Variants in SPTAN1 observed in about 807,000 individuals in gnomAD.
The protein encoded by SPTAN1 is spectrin alpha, non-erythrocytic 1.
A neutral mutation model predicts 331.3 loss-of-function variants in SPTAN1; 61 were observed. The ratio of observed to expected loss-of-function variants is 0.18; its 90% CI spans 0.15 to 0.23. SPTAN1 has a LOEUF of 0.23. SPTAN1 is among the 10% of genes least tolerant of loss of function. The probability of loss-of-function intolerance (pLI) is 1.00; values close to 1 mark genes in which losing one functional copy is unlikely to be tolerated. For synonymous variants in SPTAN1, 1,153 were observed against 1,173.9 expected (o/e 0.98, Z 0.36); for missense variants, 2,043 against 3,147.9 (o/e 0.65, Z 8.40).
Position 128,584,466 on chromosome 9 carries a change from T to C in SPTAN1, c.2378T>C (p.Val793Ala). 6.2e-7 allele frequency: 1 copy of C among 1,614,072 alleles called. No individual in the cohort carries two copies. Among genetic ancestry groups the C allele is most frequent in the African/African-American group, 1.3e-5 (1 of 75,010 alleles). The change falls in exon 17 of 57, where the codon GTT (valine) becomes GCT (alanine). Residue 793 changes from valine to alanine, a missense_variant. Val to Ala is a moderately conservative substitution (Grantham distance 64, BLOSUM62 0). Transcript: ENST00000372739. ...SLRLQQLFRD[V>A]EDEETWIREK... ...CGGTTGCAGCAGCTCTTCCGGGATG[T>C]TGAGGATGAGGAGACGTGGATTCGA...
chr9:128,623,889 CA>C (rs1177903450), intron 45 of SPTAN1, among the ~76,000 whole-genome samples: 2 of 151,474 alleles, frequency 1.3e-5, no homozygotes, highest in Non-Finnish European at 2.9e-5. Context: ...AGTTCGAGAC[CA>C]GCCTGACCAA....
chr9:128,585,173 C>G (rs185736929), intron 18 of SPTAN1, among the ~76,000 whole-genome samples: 12 of 152,108 alleles, frequency 7.9e-5, no homozygotes, highest in Non-Finnish European at 1.6e-4. Flanking sequence ...CACCACCATA[C>G]CCAGCTAATT....
At chr9:128,581,189 A>G (rs1024165458) in intron 11 of SPTAN1, 130 bp downstream of exon 11, 8 of 1,286,114 alleles carry the variant, frequency 6.2e-6, no homozygotes, top group Non-Finnish European at 8.6e-6. Flanking sequence ...AAGAGGGGGA[A>G]TTGAGCAAGC....
rs577481625 is a variant in SPTAN1, at chr9:128,598,052, G to A, written c.3415-348G>A. 6.7e-4 allele frequency among the ~76,000 whole-genome samples: 102 copies of A among 152,254 alleles called. 1 individual carries two copies. The highest frequency in any genetic ancestry group is 7.4e-4 in the Non-Finnish European group (50 of 68,012). On this transcript the variant is annotated intron_variant, in intron 24 of 56. Coordinates refer to ENST00000372739, the MANE Select transcript of SPTAN1 (RefSeq NM_001130438.3). ...CAACCTCTGCCTACCGGGTTCAAGCGATTCTCCTGCCTCAGCCTCCCGAGT... is the reference window on the plus strand; with the variant it reads ...CAACCTCTGCCTACCGGGTTCAAGCAATTCTCCTGCCTCAGCCTCCCGAGT...
chr9:128,607,841 C>T lies in SPTAN1; in HGVS notation c.4147-11C>T. On this transcript the variant is annotated splice_polypyrimidine_tract_variant and intron_variant, in intron 32 of 56. Coordinates refer to ENST00000372739, the MANE Select transcript of SPTAN1 (RefSeq NM_001130438.3). ...CTGCCAGTTACCTAATCCCTTCCCT[C>T]CTTTTGGCAGGAACACCGGACAGAA... 1 of 1,613,874 alleles carries T rather than the reference C, an allele frequency of 6.2e-7. No individual in the cohort carries two copies. The highest frequency in any genetic ancestry group is 8.5e-7 in the Non-Finnish European group (1 of 1,180,042).
chr9:128,553,264 C>G (rs1848326358), intron 1 of SPTAN1: 1 of 152,296 alleles, frequency 6.6e-6, no homozygotes. Flanking sequence ...TCTGCCGTCT[C>G]TCTGAACGCA....
chr9:128,592,243 A>G (rs1321386607), intron 22 of SPTAN1, among the ~76,000 whole-genome samples: 2 of 151,054 alleles, frequency 1.3e-5, no homozygotes, highest in South Asian at 2.1e-4. Flanking sequence ...TTCTGTTACT[A>G]TAGAGATAAG....
At chr9:128,565,703 C>A (rs10819410) in intron 1 of SPTAN1, among the ~76,000 whole-genome samples, 24,239 of 152,204 alleles carry the variant, frequency 0.16, 2,437 homozygotes, top group East Asian at 0.43. Context: ...CCTTTTCTTT[C>A]TGTCTTGGGA....
intron 51 of SPTAN1, chr9:128,628,247 C>T (rs765496388): frequency 3.0e-5 from 16 of 531,974 alleles, no homozygotes; most frequent in Non-Finnish European, 5.3e-5. Flanking sequence ...AGTCCAGAGG[C>T]CCTAAGAACC....
intron 25 of SPTAN1, chr9:128,598,708 TG>T: frequency 1.6e-6 from 1 of 643,630 alleles, no homozygotes; most frequent in Non-Finnish European, 2.8e-6. Context: ...TGGAGGGGGG[TG>T]GGGGCTTCTG....
Position 128,577,397 on chromosome 9 carries a change from C to T in SPTAN1, c.976C>T (p.Pro326Ser), listed in dbSNP as rs1205629317. 6.2e-7 allele frequency: 1 copy of T among 1,614,060 alleles called. No homozygotes were observed. Among genetic ancestry groups the T allele is most frequent in the East Asian group, 2.2e-5 (1 of 44,890 alleles). The change falls in exon 8 of 57, where the codon CCT (proline) becomes TCT (serine). Residue 326 changes from proline (P) to serine (S), a missense_variant. Coordinates refer to ENST00000372739, the MANE Select transcript of SPTAN1 (RefSeq NM_001130438.3). This position sits in a 1 kb window ranked among gnomAD's most constrained non-coding sequence, Gnocchi z 4.2. ...GGCTGACCGCCTGCAACAGTCCCAC[C>T]CTCTGAGTGCAACACAGATTCAAGT... is the stretch of plus-strand genomic sequence containing the variant. ...AEADRLQQSH[P>S]LSATQIQVKR... is the part of the protein sequence containing the mutation.
chr9:128,626,311 C>T (rs1858727928), intron 48 of SPTAN1, 80 bp from the exon 49 acceptor site: 1 of 1,554,002 alleles, frequency 6.4e-7, no homozygotes, highest in Non-Finnish European at 8.8e-7. Context: ...TCCCAGGAAC[C>T]ACCCCGCACC....
At position 128,625,090 on chromosome 9, in the gene SPTAN1, C is replaced by T. The variant is rs1376477131; in HGVS notation, c.5993-13C>T. ...TGAGGAGGGCAGTATATTTTCCACACTTCGTTTTCTAGGTGAAAAGGAGAA... is the reference window on the plus strand; with the variant it reads ...TGAGGAGGGCAGTATATTTTCCACATTTCGTTTTCTAGGTGAAAAGGAGAA... On this transcript the variant is annotated splice_polypyrimidine_tract_variant and intron_variant, in intron 46 of 56. Transcript: ENST00000372739. The surrounding 1 kb of genome is among the most constrained non-coding windows in gnomAD (Gnocchi z 4.1). 1 of 1,613,818 alleles carries T rather than the reference C, an allele frequency of 6.2e-7. No individual in the cohort carries two copies. Among genetic ancestry groups the T allele is most frequent in the South Asian group, 1.1e-5 (1 of 91,078 alleles).
intron 2 of SPTAN1, among the ~76,000 whole-genome samples, chr9:128,568,418 T>C (rs1489408520): frequency 1.3e-5 from 2 of 152,214 alleles, no homozygotes; most frequent in African/African-American, 4.8e-5. Flanking sequence ...ACTGTTGGTA[T>C]GGTTCTGTAT....
chr9:128,616,306 C>T (rs993641426), intron 41 of SPTAN1, among the ~76,000 whole-genome samples: 1 of 151,492 alleles, frequency 6.6e-6, no homozygotes, highest in African/African-American at 2.4e-5. Flanking sequence ...TTAGTAGAGA[C>T]AGGGTTTCAC....
intron 1 of SPTAN1, among the ~76,000 whole-genome samples, chr9:128,559,373 A>G (rs1252493445): frequency 6.6e-6 from 1 of 152,116 alleles, no homozygotes; most frequent in Non-Finnish European, 1.5e-5. Context: ...CGATATTATG[A>G]TGGAGATTTT....
intron 13 of SPTAN1, 28 bp downstream of exon 13, chr9:128,582,584 C>G: frequency 6.2e-7 from 1 of 1,612,302 alleles, no homozygotes; most frequent in Non-Finnish European, 8.5e-7. Context: ...TCATGCTCCT[C>G]CTTTTTGGTA....
intron 1 of SPTAN1, among the ~76,000 whole-genome samples, chr9:128,565,633 C>T (rs543982760): frequency 1.3e-5 from 2 of 152,182 alleles, no homozygotes; most frequent in South Asian, 4.1e-4. Context: ...TGTTTACCTG[C>T]TAGGTGGATG....
chr9:128,560,569 C>T (rs879366608), intron 1 of SPTAN1, among the ~76,000 whole-genome samples: 1 of 151,820 alleles, frequency 6.6e-6, no homozygotes, highest in East Asian at 2.0e-4. Flanking sequence ...TTAGTAGAGA[C>T]AGAATTTTAT....
Sources: allele counts gnomAD v4.1 joint callset (sites outside exome capture counted in the v4.1 genomes callset), GRCh38; gene constraint gnomAD v4.1.1; non-coding constraint Gnocchi (gnomAD v3.1); transcripts MANE v1.5; gene names NCBI Gene and HGNC (gene_info 2026-07-23, HGNC 2026-07-21).